SDC2: variants seen among roughly 807,000 people sequenced by gnomAD.
SDC2 encodes the protein syndecan 2.
Under a neutral mutation model 22.2 loss-of-function variants are expected in SDC2, and 13 were observed. The ratio of observed to expected loss-of-function variants is 0.59; its 90% CI spans 0.38 to 0.93. SDC2 has a LOEUF of 0.93. Ranked by LOEUF, SDC2 falls within the 40% of genes least tolerant of loss-of-function variation. The pLI is 0.00. For synonymous variants in SDC2, 94 were observed against 92.8 expected (o/e 1.01, Z -0.07); for missense variants, 235 against 246.8 (o/e 0.95, Z 0.32).
chr8:96,584,732 A>G (rs1459419351), intron 1 of SDC2, among the ~76,000 whole-genome samples: 1 of 152,218 alleles, frequency 6.6e-6, no homozygotes. Context: ...GGGGAGAGGC[A>G]GCGATGCCTG....
intron 1 of SDC2, among the ~76,000 whole-genome samples, chr8:96,576,644 C>A (rs1288335209): frequency 1.3e-5 from 2 of 149,326 alleles, no homozygotes; most frequent in East Asian, 1.9e-4. Context: ...TGGTCTCGAT[C>A]TCCTGACCTC....
At position 96,521,317 on chromosome 8, in the gene SDC2, A is replaced by T. The variant is rs1813494169; in HGVS notation, c.60+26986A>T. 3.3e-5 allele frequency among the ~76,000 whole-genome samples: 5 copies of T among 152,344 alleles called. 1 individual carries two copies. In the South Asian group the frequency reaches 1.0e-3, roughly 32 times the overall value. ...TAGTGTGTAAGTCTTAATAAGTGACAGGTAAATAGATCATTCCAGTAGCTA... is the reference window on the plus strand; with the variant it reads ...TAGTGTGTAAGTCTTAATAAGTGACTGGTAAATAGATCATTCCAGTAGCTA... On this transcript the variant is annotated intron_variant, in intron 1 of 4. Transcript: ENST00000302190.
At chr8:96,504,456 T>G (rs1367392104) in intron 1 of SDC2, among the ~76,000 whole-genome samples, 2 of 152,250 alleles carry the variant, frequency 1.3e-5, no homozygotes, top group Admixed American at 6.5e-5. Context: ...GTTCAGTTTC[T>G]GGTATTACCA....
chr8:96,559,381 G>A (rs1049706345), intron 1 of SDC2, among the ~76,000 whole-genome samples: 1 of 152,194 alleles, frequency 6.6e-6, no homozygotes, highest in Admixed American at 6.5e-5. Flanking sequence ...GTTGTTAAAA[G>A]GTGGAAATGA....
At chr8:96,530,383 C>T (rs1813641344) in intron 1 of SDC2, among the ~76,000 whole-genome samples, 1 of 152,198 alleles carries the variant, frequency 6.6e-6, no homozygotes, top group Non-Finnish European at 1.5e-5. Context: ...CCTGTAATCC[C>T]AGCACTTTGG....
Position 96,602,385 on chromosome 8 carries a change from A to G in SDC2, c.173-10A>G, listed in dbSNP as rs1815003047. The G allele has an allele frequency of 1.2e-6, 2 of 1,613,342 alleles. No homozygotes were observed. On this transcript the variant is annotated splice_polypyrimidine_tract_variant and intron_variant, in intron 2 of 4. Coordinates refer to ENST00000302190, the MANE Select transcript of SDC2 (RefSeq NM_002998.4). ...TGCCATGCTCAGTTCATCTTCACTT[A>G]CTTTTCCAGGAGCTGATGAGGATGT...
At chr8:96,506,802 G>C (rs1358213423) in intron 1 of SDC2, among the ~76,000 whole-genome samples, 1 of 152,110 alleles carries the variant, frequency 6.6e-6, no homozygotes, top group African/African-American at 2.4e-5. Context: ...ATGAGGTCAG[G>C]AGATCCAGAC....
chr8:96,503,519 G>T (rs925739638), intron 1 of SDC2, among the ~76,000 whole-genome samples: 2 of 152,148 alleles, frequency 1.3e-5, no homozygotes, highest in African/African-American at 4.8e-5. Flanking sequence ...TCATAGAACT[G>T]TGTAGATACA....
intron 1 of SDC2, among the ~76,000 whole-genome samples, chr8:96,498,737 G>A (rs1026459383): frequency 1.3e-5 from 2 of 152,090 alleles, no homozygotes; most frequent in African/African-American, 4.8e-5. Context: ...CTGATCCACC[G>A]CCTCGGCCAC....
chr8:96,578,652 A>C (rs2130600293), intron 1 of SDC2, among the ~76,000 whole-genome samples: 1 of 152,324 alleles, frequency 6.6e-6, no homozygotes, highest in East Asian at 1.9e-4. Flanking sequence ...GGGGATAAAA[A>C]GGCTGCCAGG....
At chr8:96,505,597 G>A (rs1028610412) in intron 1 of SDC2, among the ~76,000 whole-genome samples, 12 of 152,170 alleles carry the variant, frequency 7.9e-5, no homozygotes, top group African/African-American at 2.9e-4. Context: ...ACCGCGCCCG[G>A]CCTGGAACCC....
At chr8:96,565,979 T>C (rs1814293570) in intron 1 of SDC2, among the ~76,000 whole-genome samples, 1 of 151,994 alleles carries the variant, frequency 6.6e-6, no homozygotes, top group African/African-American at 2.4e-5. Context: ...TTTCCTGCCC[T>C]GTACACCACG....
intron 1 of SDC2, among the ~76,000 whole-genome samples, chr8:96,585,604 TTAAA>T (rs1814669955): frequency 6.6e-6 from 1 of 152,122 alleles, no homozygotes. Context: ...CATCATTCAG[TTAAA>T]TAAGCATATG....
chr8:96,501,289 G>A (rs1586266273), intron 1 of SDC2, among the ~76,000 whole-genome samples: 3 of 117,578 alleles, frequency 2.6e-5, no homozygotes, highest in South Asian at 2.9e-4. Context: ...AGTTAAATAC[G>A]TATTTCTTTT....
chr8:96,524,503 C>G (rs1284656999), intron 1 of SDC2, among the ~76,000 whole-genome samples: 1 of 152,078 alleles, frequency 6.6e-6, no homozygotes, highest in African/African-American at 2.4e-5. Flanking sequence ...GTTATATATT[C>G]CAGTTTAGGG....
intron 2 of SDC2, among the ~76,000 whole-genome samples, chr8:96,599,255 A>G (rs1814935452): frequency 6.6e-6 from 1 of 152,106 alleles, no homozygotes; most frequent in African/African-American, 2.4e-5. Context: ...CTTTAACTTT[A>G]AAAGTGCCAG....
chr8:96,520,322 C>T (rs1813477273), intron 1 of SDC2, among the ~76,000 whole-genome samples: 1 of 152,164 alleles, frequency 6.6e-6, no homozygotes, highest in Non-Finnish European at 1.5e-5. Context: ...TTTATGGGAA[C>T]ACCAGATTAG....
chr8:96,518,205 C>A (rs1239896333), intron 1 of SDC2, among the ~76,000 whole-genome samples: 1 of 151,936 alleles, frequency 6.6e-6, no homozygotes, highest in African/African-American at 2.4e-5. Flanking sequence ...GTATAAAAAG[C>A]CTAGTCATGT....
intron 1 of SDC2, among the ~76,000 whole-genome samples, chr8:96,536,257 T>C (rs985079638): frequency 2.0e-5 from 3 of 152,152 alleles, no homozygotes; most frequent in Non-Finnish European, 2.9e-5. Flanking sequence ...CGTGGGTACT[T>C]CCACATAGAG....
Sources: allele counts gnomAD v4.1 joint callset (sites outside exome capture counted in the v4.1 genomes callset), GRCh38; gene constraint gnomAD v4.1.1; transcripts MANE v1.5; gene names NCBI Gene and HGNC (gene_info 2026-07-23, HGNC 2026-07-21).